DUS3L: variants seen among roughly 807,000 people sequenced by gnomAD.
The protein encoded by DUS3L is tRNA-dihydrouridine(47) synthase [NAD(P)(+)]-like.
In DUS3L, 62 loss-of-function variants were observed where a neutral mutation model predicts 74.6. The ratio of observed to expected loss-of-function variants is 0.83; its 90% CI spans 0.68 to 1.03. DUS3L has a LOEUF of 1.03. DUS3L is among the 50% of genes least tolerant of loss of function. DUS3L has a pLI of 0.00. For synonymous variants in DUS3L, 433 were observed against 395.7 expected (o/e 1.09, Z -1.12); for missense variants, 884 against 924.4 (o/e 0.96, Z 0.57).
chr19:5,788,827 C>T (rs1437023943), intron 3 of DUS3L, among the ~76,000 whole-genome samples: 2 of 152,034 alleles, frequency 1.3e-5, no homozygotes, highest in Admixed American at 1.3e-4. Context: ...CTGCCTCAGC[C>T]TCCTGAGTGG....
Position 5,788,191 on chromosome 19 carries a change from GGACA to G in DUS3L, c.943-19_943-16del, listed in dbSNP as rs1568387361. ...AGGTTCCCACACTGCGGGGGGAGCA[GGACA>G]GACACACATGCTCTTGCACGCGCAC... is the stretch of plus-strand genomic sequence containing the variant. On this transcript the variant is annotated splice_polypyrimidine_tract_variant and intron_variant, in intron 4 of 12. Transcript: ENST00000309061. The G allele has an allele frequency of 3.7e-6, 6 of 1,612,918 alleles. No individual in the cohort carries two copies. The highest frequency in any genetic ancestry group is 5.1e-6 in the Non-Finnish European group (6 of 1,179,952).
intron 3 of DUS3L, 143 bp downstream of exon 3, chr19:5,789,064 G>C: frequency 8.0e-7 from 1 of 1,254,990 alleles, no homozygotes; most frequent in Non-Finnish European, 1.1e-6. Flanking sequence ...AGAGCACAGA[G>C]AGGGAGACTC....
Position 5,788,342 on chromosome 19 carries a change from T to A in DUS3L, c.942+15A>T, listed in dbSNP as rs1382298102. On this transcript the variant is annotated intron_variant, in intron 4 of 12. Coordinates refer to ENST00000309061, the MANE Select transcript of DUS3L (RefSeq NM_020175.3). ...CCACCCTGCCACCCGACCAGCCACC[T>A]GACCCAGGTCCTACCGTGGTGAGGG... 4 of 1,613,628 alleles carry A rather than the reference T, an allele frequency of 2.5e-6. No individual in the cohort carries two copies. Among genetic ancestry groups the A allele is most frequent in the Non-Finnish European group, 3.4e-6 (4 of 1,180,010 alleles).
Position 5,789,696 on chromosome 19 carries a change from G to C in DUS3L, c.411C>G (p.Phe137Leu), listed in dbSNP as rs201531051. 2 of 1,607,806 alleles carry C rather than the reference G, an allele frequency of 1.2e-6. No homozygotes were observed. Among genetic ancestry groups the C allele is most frequent in the African/African-American group, 2.7e-5 (2 of 74,902 alleles). Residue 137 changes from phenylalanine to leucine, a missense_variant, in exon 3 of 13, where the codon TTC becomes TTG. Transcript: ENST00000309061. Reference sequence around the variant, plus strand: ...CGTGCAGAAAGCGGCAGCGATCACCGAAGAAACACTTAGCAGCCGACTCCT... The same window carrying C: ...CGTGCAGAAAGCGGCAGCGATCACCCAAGAAACACTTAGCAGCCGACTCCT... ...LIQESAAKCF[F>L]GDRCRFLHDV...
chr19:5,790,639 C>T (rs528445778), intron 1 of DUS3L, among the ~76,000 whole-genome samples: 22 of 152,272 alleles, frequency 1.4e-4, no homozygotes, highest in Admixed American at 2.6e-4. Flanking sequence ...GTCTAAGCCA[C>T]CACATTTCCC....
At chr19:5,787,548 G>A (rs777327924) in intron 6 of DUS3L, 41 bp downstream of exon 6, 1 of 1,600,264 alleles carries the variant, frequency 6.2e-7, no homozygotes, top group Admixed American at 1.7e-5. Context: ...GTGCCTCCCT[G>A]CCCAGATGGG....
chr19:5,785,172 CGCCCCAGGGT>C lies in DUS3L; in HGVS notation c.*21_*30del. 1.3e-6 allele frequency: 2 copies of C among 1,576,836 alleles called. No individual in the cohort carries two copies. The highest frequency in any genetic ancestry group is 1.7e-6 in the Non-Finnish European group (2 of 1,160,310). The stretch of plus-strand genomic sequence containing the variant: ...AGAATAAAATTTATTGTACTCTCCT[CGCCCCAGGGT>C]GCCCCTGGGAAAGCCTGAGGCTACT... On this transcript the variant is annotated 3_prime_UTR_variant, in exon 13 of 13. Coordinates refer to ENST00000309061, the MANE Select transcript of DUS3L (RefSeq NM_020175.3).
chr19:5,789,723 C>T lies in DUS3L; in HGVS notation c.388-4G>A, dbSNP rs371633020. ...AGAAACACTTAGCAGCCGACTCCTGCGAGGAAACAGGGAAGCAGTGAGGGA... is the reference window on the plus strand; with the variant it reads ...AGAAACACTTAGCAGCCGACTCCTGTGAGGAAACAGGGAAGCAGTGAGGGA... On this transcript the variant is annotated splice_region_variant and splice_polypyrimidine_tract_variant and intron_variant, in intron 2 of 12. Coordinates refer to ENST00000309061, the MANE Select transcript of DUS3L (RefSeq NM_020175.3). 2 of 1,596,220 alleles carry T rather than the reference C, an allele frequency of 1.3e-6. No homozygotes were observed. The highest frequency in any genetic ancestry group is 1.7e-6 in the Non-Finnish European group (2 of 1,172,520).
intron 3 of DUS3L, 152 bp downstream of exon 3, chr19:5,789,055 G>A: frequency 8.4e-7 from 1 of 1,194,352 alleles, no homozygotes; most frequent in East Asian, 2.9e-5. Context: ...GCCCAGGACA[G>A]AGCACAGAGA....
At chr19:5,787,477 T>C (rs1423811733) in intron 6 of DUS3L, 112 bp downstream of exon 6, 2 of 1,508,684 alleles carry the variant, frequency 1.3e-6, no homozygotes, top group Non-Finnish European at 9.1e-7. Flanking sequence ...AGGCAGGGAC[T>C]CCAGGGCCAC....
chr19:5,790,635 GCCA>G lies in DUS3L; in HGVS notation c.99-303_99-301del, dbSNP rs57527869. Among the ~76,000 whole-genome samples, 11 of 152,226 alleles carry G rather than the reference GCCA, an allele frequency of 7.2e-5. No homozygotes were observed. In the East Asian group the frequency reaches 1.9e-3, roughly 27 times the overall value. ...CAGCATGCCTTGAAGCGGAGTCTAA[GCCA>G]CCACATTTCCCAGCACGCCTTTCGG... On this transcript the variant is annotated intron_variant, in intron 1 of 12. Coordinates refer to ENST00000309061, the MANE Select transcript of DUS3L (RefSeq NM_020175.3).
At chr19:5,790,946 C>A in intron 1 of DUS3L, 98 bp downstream of exon 1, 1 of 1,226,412 alleles carries the variant, frequency 8.2e-7, no homozygotes, top group Non-Finnish European at 1.2e-6. Flanking sequence ...TGGCTTCTCG[C>A]CCTCAGCCGC....
In DUS3L at chr19:5,789,228, C is replaced by A; in HGVS notation, c.879G>T (p.Leu293=). ...GTACCCGCTTCTTCTCACAGGGCCG[C>A]AGCCTGACCACGTCCTCATCCGTCA... ...GPLTDEDVVR[L]RPCEKKRLDI... The change falls in exon 3 of 13, where the codon CTG becomes CTT. Residue 293 remains leucine (L), a synonymous_variant. Transcript: ENST00000309061. 1 of 1,553,646 alleles carries A rather than the reference C, an allele frequency of 6.4e-7. No individual in the cohort carries two copies. The highest frequency in any genetic ancestry group is 2.0e-5 in the Admixed American group (1 of 48,894).
chr19:5,789,626 G>T lies in DUS3L; in HGVS notation c.481C>A (p.Arg161Ser). ...LETKPADLGPRCVLFETFGRC... is the reference protein window; with the variant it reads ...LETKPADLGPSCVLFETFGRC... ...CCGAAGGTCTCGAAGAGCACGCAGCGGGGGCCCAGGTCGGCCGGCTTGGTC... is the reference window on the plus strand; with the variant it reads ...CCGAAGGTCTCGAAGAGCACGCAGCTGGGGCCCAGGTCGGCCGGCTTGGTC... The change falls in exon 3 of 13, where the codon CGC becomes AGC. Residue 161 changes from arginine (R) to serine (S), a missense_variant. Physicochemically the swap from Arg to Ser is moderately radical, Grantham distance 110. Transcript: ENST00000309061. The T allele has an allele frequency of 1.2e-6, 2 of 1,602,420 alleles. No homozygotes were observed. The highest frequency in any genetic ancestry group is 2.2e-5 in the South Asian group (2 of 89,264).
rs1253736340 is a variant in DUS3L at position 5,790,107 on chromosome 19, G to A, written c.327C>T (p.Gly109=). ...AGTTCGTGGGCTTCACATGGGGCCGGCCCTTGTTTTGTCCCCGGGCCCTCT... is the reference window on the plus strand; with the variant it reads ...AGTTCGTGGGCTTCACATGGGGCCGACCCTTGTTTTGTCCCCGGGCCCTCT... ...TQKRARGQNK[G]RPHVKPTNYD... is the part of the protein sequence containing the mutation. Residue 109 remains glycine, a synonymous_variant, in exon 2 of 13, where the codon GGC becomes GGT. Transcript: ENST00000309061. 22 of 1,614,164 alleles carry A rather than the reference G, an allele frequency of 1.4e-5. 1 individual carries two copies. The Admixed American group carries it at 2.8e-4, about 21-fold the overall frequency.
chr19:5,785,348 G>C lies in DUS3L; in HGVS notation c.1880+35C>G, dbSNP rs559023220. On this transcript the variant is annotated intron_variant, in intron 12 of 12. Transcript: ENST00000309061. The stretch of plus-strand genomic sequence containing the variant: ...GTACCCTCCGTGACCCCGGGCCCCC[G>C]ACTGCAGCTCCCCAACTCCAGCCCA... 18 of 1,605,230 alleles carry C rather than the reference G, an allele frequency of 1.1e-5. No homozygotes were observed. In the Admixed American group the frequency reaches 1.9e-4, roughly 17 times the overall value.
At chr19:5,786,395 G>T in intron 10 of DUS3L, 72 bp downstream of exon 10, 1 of 1,468,016 alleles carries the variant, frequency 6.8e-7, no homozygotes, top group Non-Finnish European at 9.4e-7. Flanking sequence ...ACAGGGGTGG[G>T]TGACGGCGTG....
intron 1 of DUS3L, 25 bp downstream of exon 1, chr19:5,791,019 C>A (rs1032994520): frequency 6.3e-7 from 1 of 1,576,304 alleles, no homozygotes; most frequent in Admixed American, 1.9e-5. Flanking sequence ...GGCCCTTCAG[C>A]TTCCCTCCTG....
intron 4 of DUS3L, 44 bp from the exon 5 acceptor site, chr19:5,788,220 C>A (rs1418241100): frequency 6.4e-7 from 1 of 1,571,454 alleles, no homozygotes; most frequent in African/African-American, 1.4e-5. Flanking sequence ...TGCACGCGCA[C>A]ACACACACAC....
Sources: allele counts gnomAD v4.1 joint callset (sites outside exome capture counted in the v4.1 genomes callset), GRCh38; gene constraint gnomAD v4.1.1; transcripts MANE v1.5; gene names NCBI Gene and HGNC (gene_info 2026-07-23, HGNC 2026-07-21).